TENM2: variants seen among roughly 807,000 people sequenced by gnomAD.
TENM2 encodes teneurin-2.
In TENM2, 52 loss-of-function variants were observed where a neutral mutation model predicts 245.2. That is an observed-to-expected ratio of 0.21 (90% CI 0.17 to 0.27). The LOEUF (loss-of-function observed/expected upper bound fraction) is 0.27. Ranked by LOEUF, TENM2 falls within the 10% of genes least tolerant of loss-of-function variation. TENM2 has a pLI of 1.00. For missense variants in TENM2, 3,046 were observed against 3,666.8 expected, an observed-to-expected ratio of 0.83 and a Z score of 4.37; for synonymous variants, 1,363 against 1,438.9, an observed-to-expected ratio of 0.95 and a Z score of 1.19.
chr5:167,670,168 T>A (rs1355963016), intron 2 of TENM2, among the ~76,000 whole-genome samples: 2 of 152,174 alleles, frequency 1.3e-5, no homozygotes, highest in Non-Finnish European at 2.9e-5. Context: ...AAATGCTCAG[T>A]GGAAAATTAT....
intron 2 of TENM2, among the ~76,000 whole-genome samples, chr5:167,660,989 A>G (rs1258987371): frequency 6.6e-6 from 1 of 152,222 alleles, no homozygotes; most frequent in Non-Finnish European, 1.5e-5. Flanking sequence ...AACAAGTTAT[A>G]TGAAAAATAA....
chr5:167,097,482 T>C, the TENM2 span, among the ~76,000 whole-genome samples: 37 of 152,162 alleles, frequency 2.4e-4, no homozygotes, highest in African/African-American at 7.7e-4. Flanking sequence ...TAGTCAGAGA[T>C]GGAAGCAATG....
At chr5:167,284,251 T>G (rs1771209564), upstream of TENM2, among the ~76,000 whole-genome samples, 1 of 126,836 alleles carries the variant, frequency 7.9e-6, no homozygotes, top group African/African-American at 2.7e-5. Flanking sequence ...TTATGTTAGT[T>G]GAATGTGACT....
At chr5:167,209,004 G>C in the TENM2 span, among the ~76,000 whole-genome samples, 1 of 152,132 alleles carries the variant, frequency 6.6e-6, no homozygotes, top group African/African-American at 2.4e-5. Flanking sequence ...TCAAGTGGGA[G>C]AATCAGGAAG....
At chr5:168,230,342 G>A (rs1200636844) in intron 25 of TENM2, among the ~76,000 whole-genome samples, 1 of 152,210 alleles carries the variant, frequency 6.6e-6, no homozygotes, top group Non-Finnish European at 1.5e-5. Flanking sequence ...ATTTGAAAAT[G>A]AGGGAGAAAG....
chr5:168,256,102 C>G (rs1457382725), intron 27 of TENM2, among the ~76,000 whole-genome samples: 1 of 151,944 alleles, frequency 6.6e-6, no homozygotes, highest in Non-Finnish European at 1.5e-5. Context: ...CCGCGCCTGG[C>G]TAGAATTTAT....
At chr5:167,367,829 T>G (rs1760153205) in intron 1 of TENM2, among the ~76,000 whole-genome samples, 1 of 152,138 alleles carries the variant, frequency 6.6e-6, no homozygotes, top group South Asian at 2.1e-4. Flanking sequence ...CACTTACAAC[T>G]GCTACATTTT....
At chr5:167,488,923 C>T (rs995096433) in intron 2 of TENM2, among the ~76,000 whole-genome samples, 3 of 152,274 alleles carry the variant, frequency 2.0e-5, no homozygotes, top group Non-Finnish European at 2.9e-5. Flanking sequence ...AGGTCAAATT[C>T]TTAGAGTGGT....
chr5:167,498,967 A>G (rs1582212412), intron 2 of TENM2, among the ~76,000 whole-genome samples: 1 of 152,254 alleles, frequency 6.6e-6, no homozygotes, highest in South Asian at 2.1e-4. Flanking sequence ...GGTTGTGATA[A>G]GATTTAGCAT....
At chr5:167,368,974 C>T (rs544246824) in intron 1 of TENM2, among the ~76,000 whole-genome samples, 2 of 152,230 alleles carry the variant, frequency 1.3e-5, no homozygotes, top group South Asian at 2.1e-4. Flanking sequence ...GGGATCCCCG[C>T]GCTGGTCTCC....
intron 1 of TENM2, among the ~76,000 whole-genome samples, chr5:167,355,617 A>G (rs1219496630): frequency 6.6e-6 from 1 of 152,158 alleles, no homozygotes; most frequent in East Asian, 1.9e-4. Context: ...GAGCAAACAA[A>G]ACCATTGTCT....
chr5:167,246,305 A>G, the TENM2 span, among the ~76,000 whole-genome samples: 52 of 152,192 alleles, frequency 3.4e-4, no homozygotes, highest in African/African-American at 1.1e-3. Context: ...ATGTATGTGT[A>G]TGTGTGTGCA....
chr5:167,616,302 G>A (rs1452377232), intron 2 of TENM2, among the ~76,000 whole-genome samples: 1 of 152,078 alleles, frequency 6.6e-6, no homozygotes, highest in Non-Finnish European at 1.5e-5. Flanking sequence ...CAGGAAATAA[G>A]AGCAGTTATT....
intron 3 of TENM2, among the ~76,000 whole-genome samples, chr5:167,886,824 A>G (rs1383099030): frequency 6.6e-6 from 1 of 152,186 alleles, no homozygotes; most frequent in Non-Finnish European, 1.5e-5. Context: ...TCTCTCAAAT[A>G]TATTTTATTC....
At chr5:166,982,713 C>T in the TENM2 span, among the ~76,000 whole-genome samples, 1 of 151,990 alleles carries the variant, frequency 6.6e-6, no homozygotes, top group Non-Finnish European at 1.5e-5. Context: ...GGAGAAACCC[C>T]CCATTCTGCA....
the TENM2 span, among the ~76,000 whole-genome samples, chr5:167,279,350 C>A: frequency 1.3e-5 from 2 of 151,958 alleles, no homozygotes; most frequent in Non-Finnish European, 2.9e-5. Context: ...ACTTTTCCAG[C>A]CCCTCCTTCT....
At chr5:167,367,977 T>C (rs1417047871) in intron 1 of TENM2, among the ~76,000 whole-genome samples, 1 of 152,134 alleles carries the variant, frequency 6.6e-6, no homozygotes, top group Non-Finnish European at 1.5e-5. Flanking sequence ...TCCATATTCA[T>C]TCTTGACTTT....
At chr5:167,713,223 C>T (rs1363837528) in intron 2 of TENM2, among the ~76,000 whole-genome samples, 4 of 151,810 alleles carry the variant, frequency 2.6e-5, no homozygotes, top group African/African-American at 9.7e-5. Context: ...TTCCTACCCC[C>T]TACGAAGATT....
intron 2 of TENM2, among the ~76,000 whole-genome samples, chr5:167,543,847 C>T (rs1772378552): frequency 6.6e-6 from 1 of 152,170 alleles, no homozygotes; most frequent in Admixed American, 6.5e-5. Context: ...CCTTGTGTAT[C>T]TCTGTGTGAC....
Sources: gnomAD v4.1 joint callset for allele counts (sites outside exome capture counted in the v4.1 genomes callset) on GRCh38, gnomAD v4.1.1 for gene constraint, MANE v1.5 for transcripts, NCBI Gene and HGNC (gene_info 2026-07-23, HGNC 2026-07-21) for gene names.